The following PDE1C variants were observed in gnomAD, a reference collection of about 807,000 sequenced individuals.
The protein encoded by PDE1C is dual specificity calcium/calmodulin-dependent 3',5'-cyclic nucleotide phosphodiesterase 1C.
In PDE1C, 62 loss-of-function variants were observed where a neutral mutation model predicts 93.1. The observed-to-expected ratio is 0.67, with a 90% CI of 0.54 to 0.82. PDE1C has a LOEUF of 0.82. PDE1C is among the 40% of genes least tolerant of loss of function. The probability of loss-of-function intolerance (pLI) is 0.00; values close to 1 mark genes in which losing one functional copy is unlikely to be tolerated. For missense variants in PDE1C, 742 were observed against 884.6 expected, an observed-to-expected ratio of 0.84 and a Z score of 2.04; for synonymous variants, 325 against 310.1, an observed-to-expected ratio of 1.05 and a Z score of -0.50.
At chr7:32,006,620 A>C (rs1446052500) in intron 2 of PDE1C, among the ~76,000 whole-genome samples, 1 of 152,282 alleles carries the variant, frequency 6.6e-6, no homozygotes, top group East Asian at 1.9e-4. Flanking sequence ...TAGAAGGATA[A>C]GAGCTCAATG....
chr7:31,775,800 T>C (rs562496844), intron 16 of PDE1C, 68 bp from the exon 17 acceptor site: 2 of 1,298,550 alleles, frequency 1.5e-6, no homozygotes, highest in Admixed American at 1.8e-5. Context: ...AAGTAAATGT[T>C]CATCTGAAAT....
chr7:32,342,494 T>G (rs1783777905), intron 1 of PDE1C, among the ~76,000 whole-genome samples: 1 of 152,244 alleles, frequency 6.6e-6, no homozygotes, highest in African/African-American at 2.4e-5. Context: ...GATATGTTTT[T>G]CATCATATAC....
chr7:32,045,481 T>A lies in PDE1C; in HGVS notation c.128+6073A>T, dbSNP rs78852370. The stretch of plus-strand genomic sequence containing the variant: ...AGGAAAATATTTGTAAAGGGATTTA[T>A]CTCTTGGAAGATCCTCTTGTCCCTG... On this transcript the variant is annotated intron_variant, in intron 2 of 17. Coordinates refer to ENST00000396191, the MANE Select transcript of PDE1C (RefSeq NM_001191057.4). 2.4e-3 allele frequency among the ~76,000 whole-genome samples: 361 copies of A among 152,328 alleles called. 3 individuals carry two copies. Among genetic ancestry groups the A allele is most frequent in the Middle Eastern group, 0.01 (3 of 294 alleles).
At chr7:31,859,119 CTATA>C (rs71559205) in intron 7 of PDE1C, among the ~76,000 whole-genome samples, 1 of 147,824 alleles carries the variant, frequency 6.8e-6, no homozygotes, top group African/African-American at 2.5e-5. Context: ...GATGTATTGA[CTATA>C]TATATATACT....
intron 17 of PDE1C, among the ~76,000 whole-genome samples, chr7:31,757,366 T>C (rs1794532699): frequency 6.6e-6 from 1 of 152,238 alleles, no homozygotes; most frequent in African/African-American, 2.4e-5. Flanking sequence ...GATCATGTTC[T>C]AGTCATGTAA....
intron 1 of PDE1C, among the ~76,000 whole-genome samples, chr7:32,215,883 G>T (rs967924477): frequency 3.3e-5 from 5 of 152,334 alleles, no homozygotes; most frequent in Non-Finnish European, 7.3e-5. Flanking sequence ...GCAGAGCTTG[G>T]CTTCCTGCAA....
intron 1 of PDE1C, among the ~76,000 whole-genome samples, chr7:32,222,499 T>C (rs937954221): frequency 6.6e-6 from 1 of 152,204 alleles, no homozygotes; most frequent in South Asian, 2.1e-4. Context: ...TGTCCTCCTC[T>C]GTCCAGAAGC....
At chr7:32,374,082 A>AGGAGGGAG (rs1554313895) in intron 1 of PDE1C, among the ~76,000 whole-genome samples, 1 of 5,418 alleles carries the variant, frequency 1.8e-4, no homozygotes, top group Admixed American at 4.0e-3. Flanking sequence ...GGGAGGAGGG[A>AGGAGGGAG]GGAGGGAGGG....
intron 1 of PDE1C, among the ~76,000 whole-genome samples, chr7:32,409,458 TA>T (rs1785121831): frequency 6.6e-6 from 1 of 152,086 alleles, no homozygotes; most frequent in Non-Finnish European, 1.5e-5. Context: ...TCACACACAG[TA>T]AAAACTAAAG....
the PDE1C span, among the ~76,000 whole-genome samples, chr7:31,718,006 GAGT>G: frequency 1.3e-5 from 2 of 152,084 alleles, no homozygotes; most frequent in Non-Finnish European, 2.9e-5. Flanking sequence ...AAGGATATGA[GAGT>G]AGGTGAAATA....
At position 32,134,363 on chromosome 7, in the gene PDE1C, A is replaced by G. The variant is rs113792888; in HGVS notation, c.308+35422T>C. ...ATCTTCATTCTAGTATCTTGAATTG[A>G]GACAAAAGACAAAGACCTGGGACAG... On this transcript the variant is annotated intron_variant, in intron 3 of 18. Coordinates refer to the PDE1C transcript ENST00000396193. Among the ~76,000 whole-genome samples, 366 of 152,298 alleles carry G rather than the reference A, an allele frequency of 2.4e-3. 3 individuals are homozygous for G. The highest frequency in any genetic ancestry group is 8.6e-3 in the African/African-American group (357 of 41,576).
chr7:32,114,222 T>C (rs1314587085), intron 3 of PDE1C, among the ~76,000 whole-genome samples: 3 of 152,146 alleles, frequency 2.0e-5, no homozygotes, highest in Admixed American at 6.5e-5. Context: ...CTTCAAACTA[T>C]ACTACAAGGC....
intron 2 of PDE1C, among the ~76,000 whole-genome samples, chr7:31,970,408 A>G (rs1810782466): frequency 6.6e-6 from 1 of 152,232 alleles, no homozygotes. Context: ...GAGGGAGGAA[A>G]AGTGACAACA....
rs561896387 is a variant in PDE1C at position 32,182,930 on chromosome 7, C to A, written c.137-12974G>T. Among the ~76,000 whole-genome samples, 5 of 152,266 alleles carry A rather than the reference C, an allele frequency of 3.3e-5. No individual in the cohort carries two copies. The South Asian group carries it at 1.0e-3, about 32-fold the overall frequency. ...CGTCTCAGCCCAAAATCTCCTTAAGCCAATAGGCAACTTCAGCCAAGTATC... is the reference window on the plus strand; with the variant it reads ...CGTCTCAGCCCAAAATCTCCTTAAGACAATAGGCAACTTCAGCCAAGTATC... On this transcript the variant is annotated intron_variant, in intron 2 of 18. Transcript: ENST00000396193.
the PDE1C span, chr7:31,692,504 C>A: frequency 3.5e-5 from 56 of 1,608,328 alleles, no homozygotes; most frequent in East Asian, 4.5e-5. Flanking sequence ...ACAAGCTAGA[C>A]CCTCGTTGCA....
chr7:32,267,679 G>A (rs1436952666), intron 1 of PDE1C, among the ~76,000 whole-genome samples: 2 of 148,982 alleles, frequency 1.3e-5, no homozygotes, highest in African/African-American at 5.0e-5. Context: ...CTCTTCTCTA[G>A]CACCCCTGGC....
intron 1 of PDE1C, among the ~76,000 whole-genome samples, chr7:32,066,145 G>A (rs1194875938): frequency 6.6e-6 from 1 of 152,116 alleles, no homozygotes; most frequent in Non-Finnish European, 1.5e-5. Flanking sequence ...TGTCAATGAG[G>A]GACTCTAATG....
At chr7:32,382,279 C>T (rs903456401) in intron 1 of PDE1C, among the ~76,000 whole-genome samples, 3 of 152,198 alleles carry the variant, frequency 2.0e-5, no homozygotes, top group African/African-American at 7.2e-5. Context: ...CTGACTGTGG[C>T]TCAGCTGTAT....
chr7:31,886,800 T>TACTCAGAATAGATC lies in PDE1C; in HGVS notation c.129-5941_129-5940insGATCTATTCTGAGT, dbSNP rs1380490723. 4.2e-3 allele frequency among the ~76,000 whole-genome samples: 616 copies of TACTCAGAATAGATC among 148,430 alleles called. 6 individuals are homozygous for TACTCAGAATAGATC. Among genetic ancestry groups the TACTCAGAATAGATC allele is most frequent in the African/African-American group, 0.01 (415 of 39,544 alleles). ...TATTCAGAATAGATCTTTTCGGATC[T>TACTCAGAATAGATC]TTTCAGAATAGATCTTTTCGGATCT... is the stretch of plus-strand genomic sequence containing the variant. On this transcript the variant is annotated intron_variant, in intron 2 of 17. Transcript: ENST00000396191.
Sources: allele counts gnomAD v4.1 joint callset (sites outside exome capture counted in the v4.1 genomes callset), GRCh38; gene constraint gnomAD v4.1.1; transcripts MANE v1.5; gene names NCBI Gene and HGNC (gene_info 2026-07-23, HGNC 2026-07-21).